Variants in NME7 observed in about 807,000 individuals in gnomAD.
NME7 encodes NME/NM23 family member 7.
Under a neutral mutation model 49.1 loss-of-function variants are expected in NME7, and 41 were observed. That is an observed-to-expected ratio of 0.83 (90% CI 0.65 to 1.08). NME7 has a LOEUF of 1.08. Among genes scored for constraint, NME7 ranks in the 50% least tolerant of loss-of-function variants. The pLI is 0.00. For synonymous variants in NME7, 139 were observed against 150.6 expected (o/e 0.92, Z 0.56); for missense variants, 423 against 463.4 (o/e 0.91, Z 0.80).
In NME7 at chr1:169,266,672, A is replaced by C. The variant is rs537843055; in HGVS notation, c.754+20631T>G. ...AGGAAGTCAACCTATCCCTGTTTGAAGATGACATGATTCTATATCTAAAAA... is the reference window on the plus strand; with the variant it reads ...AGGAAGTCAACCTATCCCTGTTTGACGATGACATGATTCTATATCTAAAAA... On this transcript the variant is annotated intron_variant, in intron 7 of 11. Coordinates refer to ENST00000367811, the MANE Select transcript of NME7 (RefSeq NM_013330.5). 5.2e-5 allele frequency among the ~76,000 whole-genome samples: 7 copies of C among 133,940 alleles called. 2 individuals are homozygous for C. The highest frequency in any genetic ancestry group is 3.7e-4 in the Admixed American group (5 of 13,634). The allele number at this position is 133,940 out of a possible 152,430, so 87.9% of individuals were successfully genotyped here.
intron 10 of NME7, among the ~76,000 whole-genome samples, chr1:169,227,905 T>C (rs907585613): frequency 6.6e-6 from 1 of 152,104 alleles, no homozygotes; most frequent in African/African-American, 2.4e-5. Context: ...AATTGCCATA[T>C]TGCATGGAAA....
At chr1:169,209,355 G>A (rs2101790558) in intron 10 of NME7, among the ~76,000 whole-genome samples, 1 of 152,122 alleles carries the variant, frequency 6.6e-6, no homozygotes, top group African/African-American at 2.4e-5. Context: ...AAGCTCCAGA[G>A]AAACATTGAA....
At chr1:169,222,340 C>T (rs1447557556) in intron 10 of NME7, among the ~76,000 whole-genome samples, 1 of 152,134 alleles carries the variant, frequency 6.6e-6, no homozygotes, top group Admixed American at 6.5e-5. Flanking sequence ...TACTGCCTGG[C>T]ACACAGTAGG....
chr1:169,318,238 G>A (rs759894268), intron 3 of NME7, among the ~76,000 whole-genome samples: 2 of 152,156 alleles, frequency 1.3e-5, no homozygotes, highest in South Asian at 2.1e-4. Context: ...TCTCAAACAC[G>A]CTTTCACAAG....
intron 1 of NME7, among the ~76,000 whole-genome samples, chr1:169,342,765 T>C (rs1291981339): frequency 4.1e-5 from 2 of 48,610 alleles, no homozygotes; most frequent in Non-Finnish European, 6.4e-5. Flanking sequence ...AGTATATATA[T>C]ATACAAGTAC....
intron 11 of NME7, among the ~76,000 whole-genome samples, chr1:169,141,321 G>A (rs1195626162): frequency 5.3e-5 from 8 of 152,152 alleles, no homozygotes; most frequent in African/African-American, 1.9e-4. Flanking sequence ...CATGGATAAT[G>A]TGCCAAGGAG....
intron 4 of NME7, among the ~76,000 whole-genome samples, chr1:169,306,314 T>C (rs543799086): frequency 6.6e-6 from 1 of 152,266 alleles, no homozygotes; most frequent in African/African-American, 2.4e-5. Flanking sequence ...TTTTATGAGG[T>C]TCATTCTAAT....
intron 8 of NME7, among the ~76,000 whole-genome samples, chr1:169,236,448 A>C (rs1056824491): frequency 6.6e-6 from 1 of 152,110 alleles, no homozygotes; most frequent in Non-Finnish European, 1.5e-5. Flanking sequence ...ATCATTTTTA[A>C]AATTATTTTT....
chr1:169,175,091 C>T (rs1659716222), intron 10 of NME7, among the ~76,000 whole-genome samples: 1 of 152,008 alleles, frequency 6.6e-6, no homozygotes, highest in Non-Finnish European at 1.5e-5. Context: ...TCTTTCTTTA[C>T]ATCATTATTC....
At chr1:169,339,574 T>C (rs780262202) in intron 1 of NME7, among the ~76,000 whole-genome samples, 2 of 152,204 alleles carry the variant, frequency 1.3e-5, no homozygotes, top group African/African-American at 4.8e-5. Context: ...AAAAAGCAAC[T>C]GTTGTCAAGG....
chr1:169,195,973 A>G (rs892573957), intron 10 of NME7, among the ~76,000 whole-genome samples: 3 of 152,230 alleles, frequency 2.0e-5, no homozygotes, highest in African/African-American at 7.2e-5. Context: ...TTAGGCTGTT[A>G]CAACTATAAA....
chr1:169,213,811 AAAAT>A, intron 10 of NME7, among the ~76,000 whole-genome samples: 1 of 149,988 alleles, frequency 6.7e-6, no homozygotes, highest in South Asian at 2.1e-4. Context: ...AAAAAATATA[AAAAT>A]AAAATAAATA....
At chr1:169,346,866 A>G (rs191310198) in intron 1 of NME7, among the ~76,000 whole-genome samples, 1 of 152,292 alleles carries the variant, frequency 6.6e-6, no homozygotes, top group East Asian at 1.9e-4. Context: ...TTAAAAGTTG[A>G]ATTTATTCAT....
At chr1:169,357,394 A>G (rs1436382833) in intron 1 of NME7, among the ~76,000 whole-genome samples, 1 of 152,078 alleles carries the variant, frequency 6.6e-6, no homozygotes, top group Admixed American at 6.6e-5. Context: ...ATAAATGCTT[A>G]TTATGTCAAG....
intron 10 of NME7, among the ~76,000 whole-genome samples, chr1:169,229,866 G>A (rs1647524877): frequency 6.6e-6 from 1 of 151,970 alleles, no homozygotes; most frequent in Non-Finnish European, 1.5e-5. Flanking sequence ...GATGGCTGAG[G>A]CAGGAGAATC....
intron 7 of NME7, among the ~76,000 whole-genome samples, chr1:169,244,430 G>A (rs1036038499): frequency 6.6e-6 from 1 of 151,544 alleles, no homozygotes; most frequent in Non-Finnish European, 1.5e-5. Context: ...TCAGGAGATC[G>A]AGACCATCCT....
At chr1:169,199,329 T>C (rs971717984) in intron 10 of NME7, among the ~76,000 whole-genome samples, 2 of 151,762 alleles carry the variant, frequency 1.3e-5, no homozygotes, top group Non-Finnish European at 2.9e-5. Context: ...ATCATTATTA[T>C]TACAATTTTA....
At chr1:169,173,007 T>C (rs1193398371) in intron 10 of NME7, among the ~76,000 whole-genome samples, 1 of 152,232 alleles carries the variant, frequency 6.6e-6, no homozygotes, top group Non-Finnish European at 1.5e-5. Flanking sequence ...TAAATATTTG[T>C]TGACTGATAT....
chr1:169,212,598 CCTTTTTTTTTT>C (rs1660858060), intron 10 of NME7, among the ~76,000 whole-genome samples: 3 of 114,344 alleles, frequency 2.6e-5, no homozygotes, highest in African/African-American at 8.9e-5. Flanking sequence ...AAACAAATGT[CCTTTTTTTTTT>C]TTTTTTTTTT....
Sources: allele counts gnomAD v4.1 joint callset (sites outside exome capture counted in the v4.1 genomes callset), GRCh38; gene constraint gnomAD v4.1.1; transcripts MANE v1.5; gene names NCBI Gene and HGNC (gene_info 2026-07-23, HGNC 2026-07-21).